The following B3GALT1 variants were observed in gnomAD, a reference collection of about 807,000 sequenced individuals.
B3GALT1 encodes the protein beta-1,3-galactosyltransferase 1, also known as UDP-Gal:betaGlcNAc beta 1,3-galactosyltransferase, polypeptide 1.
In B3GALT1, 10 loss-of-function variants were observed where a neutral mutation model predicts 23.2. That is an observed-to-expected ratio of 0.43 (90% CI 0.27 to 0.73). B3GALT1 has a LOEUF of 0.73. Among genes scored for constraint, B3GALT1 ranks in the 30% least tolerant of loss-of-function variants. B3GALT1 has a pLI of 0.21. For missense variants in B3GALT1, 299 were observed against 405.4 expected (o/e 0.74, Z 2.25); for synonymous variants, 156 against 141.5 (o/e 1.10, Z -0.73).
intron 4 of B3GALT1, among the ~76,000 whole-genome samples, chr2:167,848,334 A>AGG (rs1689804849): frequency 6.6e-6 from 1 of 152,212 alleles, no homozygotes; most frequent in African/African-American, 2.4e-5. Context: ...ATAGATTCTA[A>AGG]AATCCTTAAC....
intron 2 of B3GALT1, among the ~76,000 whole-genome samples, chr2:167,588,059 T>A (rs1460047748): frequency 6.6e-6 from 1 of 152,146 alleles, no homozygotes; most frequent in African/African-American, 2.4e-5. Context: ...TGCTTACTGA[T>A]CCTGATGAAA....
rs535369991 is a variant in B3GALT1, at chr2:167,303,682, C to CACACACACACACACACACATAG, written c.-511+10349_-511+10350insCACACACACACACACACATAGA. ...ACACACACACACACACACACACACA[C>CACACACACACACACACACATAG]AGAGAGAGACCTTGTTGCTGCCATT... On this transcript the variant is annotated intron_variant, in intron 1 of 4. Coordinates refer to ENST00000392690, the MANE Select transcript of B3GALT1 (RefSeq NM_020981.4). 5.4e-5 allele frequency among the ~76,000 whole-genome samples: 8 copies of CACACACACACACACACACATAG among 148,834 alleles called. No homozygotes were observed. In the East Asian group the frequency reaches 1.2e-3, roughly 23 times the overall value.
At chr2:167,297,027 A>G (rs138663191) in intron 1 of B3GALT1, among the ~76,000 whole-genome samples, 14 of 152,254 alleles carry the variant, frequency 9.2e-5, no homozygotes, top group Admixed American at 9.1e-4. Context: ...TCCTGAAGCT[A>G]TGTATGAGAA....
At chr2:167,723,957 T>A (rs780537463) in intron 3 of B3GALT1, among the ~76,000 whole-genome samples, 1 of 152,210 alleles carries the variant, frequency 6.6e-6, no homozygotes, top group Non-Finnish European at 1.5e-5. Flanking sequence ...GTTTACTGTT[T>A]CCTATAAATT....
intron 3 of B3GALT1, among the ~76,000 whole-genome samples, chr2:167,803,141 A>G (rs1489422682): frequency 6.7e-6 from 1 of 149,740 alleles, no homozygotes; most frequent in Non-Finnish European, 1.5e-5. Context: ...GGGCTGGGGA[A>G]TGGTTTCAGA....
intron 2 of B3GALT1, among the ~76,000 whole-genome samples, chr2:167,521,968 A>ATGTG (rs148866209): frequency 2.2e-5 from 3 of 138,860 alleles, no homozygotes; most frequent in Admixed American, 7.4e-5. Context: ...ACCAACATAT[A>ATGTG]TGTGTGTGTG....
At chr2:167,635,756 A>G (rs201920354) in intron 2 of B3GALT1, among the ~76,000 whole-genome samples, 1 of 152,174 alleles carries the variant, frequency 6.6e-6, no homozygotes, top group Non-Finnish European at 1.5e-5. Context: ...TATTGTGAAA[A>G]CGGCCATACT....
At chr2:167,371,724 C>T (rs1379386640) in intron 1 of B3GALT1, among the ~76,000 whole-genome samples, 1 of 151,936 alleles carries the variant, frequency 6.6e-6, no homozygotes. Flanking sequence ...CCAAATTACA[C>T]ATATTCAAAA....
In B3GALT1 at chr2:167,669,849, G is replaced by A. The variant is rs1047515073; in HGVS notation, c.-352+22883G>A. Among the ~76,000 whole-genome samples the A allele has an allele frequency of 4.6e-5, 7 of 152,022 alleles. No individual in the cohort carries two copies. The East Asian group carries it at 7.7e-4, about 17-fold the overall frequency. Reference sequence around the variant, plus strand: ...ATGTGGGACACTGCCCAAGAAGCCCGCCAATTTCTCACCCCACCCAGAACA... The same window carrying A: ...ATGTGGGACACTGCCCAAGAAGCCCACCAATTTCTCACCCCACCCAGAACA... On this transcript the variant is annotated intron_variant, in intron 3 of 4. Transcript: ENST00000392690.
intron 1 of B3GALT1, among the ~76,000 whole-genome samples, chr2:167,347,060 ATC>A (rs1376282563): frequency 3.9e-5 from 6 of 152,294 alleles, no homozygotes; most frequent in African/African-American, 1.4e-4. Context: ...CAATCATTAA[ATC>A]TCTCTGTAGT....
At chr2:167,335,594 C>G (rs557363501) in intron 1 of B3GALT1, among the ~76,000 whole-genome samples, 103 of 152,218 alleles carry the variant, frequency 6.8e-4, no homozygotes, top group African/African-American at 2.4e-3. Context: ...GGTTTCCTCC[C>G]CTTTTTAGAC....
chr2:167,800,665 C>T (rs895420729), intron 3 of B3GALT1, among the ~76,000 whole-genome samples: 3 of 152,134 alleles, frequency 2.0e-5, no homozygotes, highest in Non-Finnish European at 4.4e-5. Flanking sequence ...GAAACTTGGC[C>T]TCACACCATT....
chr2:167,605,813 A>G (rs1684953535), intron 2 of B3GALT1, among the ~76,000 whole-genome samples: 1 of 152,224 alleles, frequency 6.6e-6, no homozygotes, highest in Admixed American at 6.5e-5. Flanking sequence ...CAAGTTAAAC[A>G]TTATATGCTC....
chr2:167,594,813 G>T (rs983808922), intron 2 of B3GALT1, among the ~76,000 whole-genome samples: 1 of 152,124 alleles, frequency 6.6e-6, no homozygotes, highest in Non-Finnish European at 1.5e-5. Context: ...TGCTGAGGCA[G>T]GAGCATTGCT....
chr2:167,303,425 G>C (rs750130984), intron 1 of B3GALT1, among the ~76,000 whole-genome samples: 5 of 152,090 alleles, frequency 3.3e-5, no homozygotes, highest in Admixed American at 6.6e-5. Context: ...ACTGGTCTAA[G>C]TTGCCTAGGT....
intron 3 of B3GALT1, among the ~76,000 whole-genome samples, chr2:167,653,495 G>A (rs1043211840): frequency 1.3e-5 from 2 of 152,100 alleles, no homozygotes; most frequent in African/African-American, 2.4e-5. Context: ...AGCTGCCAAC[G>A]TTAAAAGATA....
chr2:167,645,090 C>T (rs1374016032), intron 2 of B3GALT1, among the ~76,000 whole-genome samples: 1 of 152,130 alleles, frequency 6.6e-6, no homozygotes, highest in Non-Finnish European at 1.5e-5. Context: ...CCATAATCCA[C>T]CCCTCTTGTT....
At chr2:167,351,860 A>G (rs1697313470) in intron 1 of B3GALT1, among the ~76,000 whole-genome samples, 3 of 152,180 alleles carry the variant, frequency 2.0e-5, no homozygotes, top group African/African-American at 4.8e-5. Flanking sequence ...CACTCTTGAC[A>G]CAGGTAATAA....
chr2:167,748,393 A>G (rs1413076905), intron 3 of B3GALT1, among the ~76,000 whole-genome samples: 4 of 152,130 alleles, frequency 2.6e-5, no homozygotes, highest in Admixed American at 6.6e-5. Context: ...TTTCACTAGA[A>G]ATTTCCACAG....
Sources: allele counts gnomAD v4.1 joint callset (sites outside exome capture counted in the v4.1 genomes callset), GRCh38; gene constraint gnomAD v4.1.1; transcripts MANE v1.5; gene names NCBI Gene and HGNC (gene_info 2026-07-23, HGNC 2026-07-21).